Variants in NEGR1 observed in about 807,000 individuals in gnomAD.
NEGR1 encodes IgLON family member 4.
Under a neutral mutation model 40.9 loss-of-function variants are expected in NEGR1, and 10 were observed. The observed-to-expected ratio is 0.24, with a 90% CI of 0.15 to 0.42. NEGR1 has a LOEUF of 0.42. Ranked by LOEUF, NEGR1 falls within the 10% of genes least tolerant of loss-of-function variation. The probability of loss-of-function intolerance (pLI) is 1.00; values close to 1 mark genes in which losing one functional copy is unlikely to be tolerated. For missense variants in NEGR1, 352 were observed against 438.9 expected (o/e 0.80, Z 1.77); for synonymous variants, 185 against 166.8 (o/e 1.11, Z -0.84).
At chr1:72,016,214 G>A (rs1646709136) in intron 1 of NEGR1, among the ~76,000 whole-genome samples, 2 of 151,886 alleles carry the variant, frequency 1.3e-5, no homozygotes, top group Non-Finnish European at 1.5e-5. Context: ...GATGAAATGT[G>A]TTAAAAAAAT....
intron 3 of NEGR1, among the ~76,000 whole-genome samples, chr1:71,753,766 C>G (rs1047377300): frequency 6.6e-6 from 1 of 152,136 alleles, no homozygotes; most frequent in Non-Finnish European, 1.5e-5. Flanking sequence ...TCCTGATTAA[C>G]TCTGCGAATC....
chr1:71,942,480 TA>T (rs1645973317), intron 1 of NEGR1, among the ~76,000 whole-genome samples: 3 of 19,650 alleles, frequency 1.5e-4, no homozygotes, highest in African/African-American at 2.1e-4. Context: ...TATATATATA[TA>T]TATTTTTTTT....
intron 1 of NEGR1, among the ~76,000 whole-genome samples, chr1:72,135,375 C>CAAAAAAAAAAAA (rs71074819): frequency 1.4e-5 from 1 of 71,382 alleles, no homozygotes; most frequent in African/African-American, 5.3e-5. Flanking sequence ...GACTCCGTCT[C>CAAAAAAAAAAAA]AAAAAAAAAA....
At chr1:71,613,490 T>C (rs1254150565) in intron 4 of NEGR1, among the ~76,000 whole-genome samples, 35 of 151,832 alleles carry the variant, frequency 2.3e-4, no homozygotes, top group Admixed American at 2.3e-3. Context: ...CTACTAAAAT[T>C]ACAAAAATTA....
intron 6 of NEGR1, among the ~76,000 whole-genome samples, chr1:71,493,531 T>C (rs1216416729): frequency 6.6e-6 from 1 of 152,292 alleles, no homozygotes; most frequent in South Asian, 2.1e-4. Flanking sequence ...AAAACTATTT[T>C]CTCTTTTTAA....
Position 71,839,337 on chromosome 1 carries a change from G to T in NEGR1, c.410-63040C>A, listed in dbSNP as rs373960016. On this transcript the variant is annotated intron_variant, in intron 2 of 6. Transcript: ENST00000357731. ...TCCTGCCTCAGCCTCCCGAGTAGCT[G>T]GGATTACAGGGGTGAGCCACCACAT... Among the ~76,000 whole-genome samples the T allele has an allele frequency of 4.8e-4, 73 of 151,588 alleles. 1 individual carries two copies. The South Asian group carries it at 8.6e-3, about 18-fold the overall frequency.
intron 1 of NEGR1, among the ~76,000 whole-genome samples, chr1:72,262,016 T>G (rs1655474505): frequency 6.6e-6 from 1 of 152,120 alleles, no homozygotes; most frequent in South Asian, 2.1e-4. Flanking sequence ...ATCTATTTGT[T>G]TTAAAAAGAA....
chr1:72,086,757 G>A (rs1354749862), intron 1 of NEGR1, among the ~76,000 whole-genome samples: 1 of 151,970 alleles, frequency 6.6e-6, no homozygotes, highest in African/African-American at 2.4e-5. Context: ...GTCATTTTGG[G>A]ATATAAGGTC....
At chr1:71,492,839 A>G (rs933187516) in intron 6 of NEGR1, among the ~76,000 whole-genome samples, 2 of 152,124 alleles carry the variant, frequency 1.3e-5, no homozygotes, top group African/African-American at 4.8e-5. Context: ...AATGAAAACG[A>G]AAGTAGCTTG....
intron 4 of NEGR1, among the ~76,000 whole-genome samples, chr1:71,659,661 C>G (rs1651991659): frequency 6.6e-6 from 1 of 152,026 alleles, no homozygotes. Flanking sequence ...AAAAGGTGGG[C>G]AAAGGATATG....
chr1:71,984,454 A>C lies in NEGR1; in HGVS notation c.177-49143T>G, dbSNP rs149612247. ...AATAACTTTTAATGTCCATTTTTCC[A>C]CTTGTAAAACTAACACATGTCTAGT... On this transcript the variant is annotated intron_variant, in intron 1 of 6. Transcript: ENST00000357731. Among the ~76,000 whole-genome samples the C allele has an allele frequency of 4.4e-3, 670 of 152,090 alleles. 5 individuals carry two copies. The highest frequency in any genetic ancestry group is 0.01 in the Middle Eastern group (3 of 294).
chr1:71,568,918 A>ATTTT (rs1301098957), intron 6 of NEGR1, among the ~76,000 whole-genome samples: 1 of 119,790 alleles, frequency 8.3e-6, no homozygotes, highest in Admixed American at 8.7e-5. Flanking sequence ...TCCTTTTGTA[A>ATTTT]TTTTTTTTTT....
intron 2 of NEGR1, among the ~76,000 whole-genome samples, chr1:71,921,566 T>G (rs1197389244): frequency 6.6e-6 from 1 of 151,462 alleles, no homozygotes; most frequent in Non-Finnish European, 1.5e-5. Context: ...CTCTTTTCTG[T>G]GATTTTCTTA....
chr1:72,103,766 G>A (rs1649030247), intron 1 of NEGR1, among the ~76,000 whole-genome samples: 1 of 151,970 alleles, frequency 6.6e-6, no homozygotes. Flanking sequence ...AACAAGCAGA[G>A]TCTGATCCAT....
At chr1:71,631,846 T>C (rs1027784075) in intron 4 of NEGR1, among the ~76,000 whole-genome samples, 1 of 151,762 alleles carries the variant, frequency 6.6e-6, no homozygotes, top group Non-Finnish European at 1.5e-5. Flanking sequence ...CAAGAAAGAT[T>C]TTTTTGAAAA....
chr1:71,870,052 G>A (rs1660232531), intron 2 of NEGR1, among the ~76,000 whole-genome samples: 2 of 151,858 alleles, frequency 1.3e-5, no homozygotes, highest in African/African-American at 2.4e-5. Flanking sequence ...GCTAATTTTT[G>A]TATTTTTAGT....
intron 6 of NEGR1, among the ~76,000 whole-genome samples, chr1:71,505,559 G>A (rs1207669325): frequency 6.6e-6 from 1 of 152,040 alleles, no homozygotes; most frequent in African/African-American, 2.4e-5. Flanking sequence ...GGGATTACAG[G>A]CGTGAGCCAC....
chr1:71,530,897 ATG>A (rs951281067), intron 6 of NEGR1, among the ~76,000 whole-genome samples: 2 of 150,760 alleles, frequency 1.3e-5, no homozygotes, highest in Non-Finnish European at 3.0e-5. Flanking sequence ...GTGTGTGTGT[ATG>A]TGTGTGTGTG....
intron 1 of NEGR1, among the ~76,000 whole-genome samples, chr1:72,014,232 G>A (rs192262143): frequency 6.6e-6 from 1 of 151,864 alleles, no homozygotes; most frequent in Non-Finnish European, 1.5e-5. Flanking sequence ...GGATATTGCA[G>A]TACAAACATT....
Sources: gnomAD v4.1 joint callset for allele counts (sites outside exome capture counted in the v4.1 genomes callset) on GRCh38, gnomAD v4.1.1 for gene constraint, MANE v1.5 for transcripts, NCBI Gene and HGNC (gene_info 2026-07-23, HGNC 2026-07-21) for gene names.